CEP112: variants seen among roughly 807,000 people sequenced by gnomAD.
The protein encoded by CEP112 is centrosomal protein of 112 kDa.
In CEP112, 127 loss-of-function variants were observed where a neutral mutation model predicts 153.0. The ratio of observed to expected loss-of-function variants is 0.83; its 90% confidence interval spans 0.72 to 0.96. The LOEUF (loss-of-function observed/expected upper bound fraction) is 0.96. Among genes scored for constraint, CEP112 ranks in the 40% least tolerant of loss-of-function variants. The pLI, the probability that CEP112 is intolerant of heterozygous loss-of-function variation, is 0.00. For missense variants in CEP112, 1,089 were observed against 1,101.2 expected, an observed-to-expected ratio of 0.99 and a Z score of 0.16; for synonymous variants, 358 against 374.4, an observed-to-expected ratio of 0.96 and a Z score of 0.51.
intron 21 of CEP112, among the ~76,000 whole-genome samples, chr17:65,781,305 T>C (rs1169932669): frequency 6.6e-6 from 1 of 152,110 alleles, no homozygotes. Flanking sequence ...GAAAGATCTC[T>C]GCGAGGAGAA....
At chr17:66,111,076 T>C (rs180695206) in intron 6 of CEP112, among the ~76,000 whole-genome samples, 18 of 152,170 alleles carry the variant, frequency 1.2e-4, no homozygotes, top group African/African-American at 3.9e-4. Flanking sequence ...AAAGAAGACA[T>C]ACACGTGGCC....
chr17:65,970,691 G>T lies in CEP112; in HGVS notation c.1737-9093C>A, dbSNP rs531617493. On this transcript the variant is annotated intron_variant, in intron 17 of 26. Transcript: ENST00000535342. ...CATATTACACGCATATCACACACAT[G>T]CATATTACATGCATACACATGACAT... Among the ~76,000 whole-genome samples the T allele has an allele frequency of 4.4e-3, 637 of 145,002 alleles. 4 individuals are homozygous for T. Among genetic ancestry groups the T allele is most frequent in the African/African-American group, 0.014 (567 of 39,868 alleles).
intron 17 of CEP112, among the ~76,000 whole-genome samples, chr17:65,983,907 A>C (rs1366214763): frequency 6.6e-6 from 1 of 152,148 alleles, no homozygotes; most frequent in Admixed American, 6.5e-5. Flanking sequence ...TGGTTTTGTT[A>C]TCTCTCTACA....
chr17:65,760,146 T>C (rs1243122200), intron 21 of CEP112, among the ~76,000 whole-genome samples: 1 of 152,212 alleles, frequency 6.6e-6, no homozygotes. Context: ...CACTTATCAG[T>C]TCCAAGAGTT....
rs9907129 is a variant in CEP112 at position 65,814,257 on chromosome 17, T to C, written c.2394+37547A>G. On this transcript the variant is annotated intron_variant, in intron 21 of 26. Coordinates refer to ENST00000535342, the MANE Select transcript of CEP112 (RefSeq NM_001199165.4). ...ATATTCTCACCAAAGAAGAAGCGTATGCATTATTTCCTCAGTGAAGCCCTT... is the reference window on the plus strand; with the variant it reads ...ATATTCTCACCAAAGAAGAAGCGTACGCATTATTTCCTCAGTGAAGCCCTT... Among the ~76,000 whole-genome samples the C allele has an allele frequency of 3.2e-3, 481 of 152,300 alleles. 3 individuals are homozygous for C. Among genetic ancestry groups the C allele is most frequent in the African/African-American group, 0.011 (456 of 41,574 alleles).
intron 12 of CEP112, among the ~76,000 whole-genome samples, chr17:66,035,655 G>T (rs6504393): frequency 0.93 from 140,957 of 152,180 alleles, 65,516 homozygotes; most frequent in East Asian, 0.97. Flanking sequence ...CCATGCAAAA[G>T]TATTCACTAT....
intron 21 of CEP112, among the ~76,000 whole-genome samples, chr17:65,816,774 T>G (rs563915977): frequency 6.6e-6 from 1 of 152,014 alleles, no homozygotes; most frequent in Non-Finnish European, 1.5e-5. Flanking sequence ...TAATATCTAG[T>G]TTTGTTATCA....
At chr17:65,935,817 T>C (rs1048943724) in intron 18 of CEP112, among the ~76,000 whole-genome samples, 1 of 148,554 alleles carries the variant, frequency 6.7e-6, no homozygotes, top group African/African-American at 2.5e-5. Flanking sequence ...AAACCTCAAA[T>C]CAACAACCTA....
In CEP112 at chr17:65,740,016, C is replaced by A. The variant is rs995492625; in HGVS notation, c.2607+3052G>T. 5.9e-5 allele frequency among the ~76,000 whole-genome samples: 9 copies of A among 152,072 alleles called. 1 individual carries two copies. The East Asian group carries it at 1.3e-3, about 23-fold the overall frequency. On this transcript the variant is annotated intron_variant, in intron 23 of 26. Coordinates refer to ENST00000535342, the MANE Select transcript of CEP112 (RefSeq NM_001199165.4). ...AAAATTAAAAAATCATAAATTCTACCACTCAGAGATATCCATTAGTAAAAT... is the reference window on the plus strand; with the variant it reads ...AAAATTAAAAAATCATAAATTCTACAACTCAGAGATATCCATTAGTAAAAT...
chr17:66,127,337 G>A (rs950535446), intron 6 of CEP112, among the ~76,000 whole-genome samples: 1 of 152,180 alleles, frequency 6.6e-6, no homozygotes, highest in Non-Finnish European at 1.5e-5. Flanking sequence ...CCACTTTGAT[G>A]TTGCTCTCTG....
rs760923605 is a variant in CEP112 at position 66,029,903 on chromosome 17, T to C, written c.1339A>G (p.Ile447Val). The change falls in exon 13 of 27, where the codon ATA becomes GTA. Residue 447 changes from isoleucine (I) to valine (V), a missense_variant. Coordinates refer to ENST00000535342, the MANE Select transcript of CEP112 (RefSeq NM_001199165.4). ...ACTTCTTGTAATTCACTACACGTTA[T>C]CTGGTAACATCTTTCAAGTTCTGCT... is the stretch of plus-strand genomic sequence containing the variant. ...EKAELERCYQ[I>V]TCSELQEVKA... 1 of 1,613,948 alleles carries C rather than the reference T, an allele frequency of 6.2e-7. No homozygotes were observed. The highest frequency in any genetic ancestry group is 8.5e-7 in the Non-Finnish European group (1 of 1,179,872).
At chr17:65,963,500 C>T (rs2062290765) in intron 17 of CEP112, among the ~76,000 whole-genome samples, 1 of 152,108 alleles carries the variant, frequency 6.6e-6, no homozygotes, top group South Asian at 2.1e-4. Flanking sequence ...ACCAAACTTT[C>T]TCCCTCTCCC....
At chr17:66,030,119 T>A in intron 12 of CEP112, 96 bp from the exon 13 acceptor site, 1 of 958,380 alleles carries the variant, frequency 1.0e-6, no homozygotes, top group Non-Finnish European at 1.5e-6. Context: ...TCTATAAGAA[T>A]AAATAAAACA....
At chr17:66,045,067 C>G (rs1426710375) in intron 12 of CEP112, among the ~76,000 whole-genome samples, 1 of 132,754 alleles carries the variant, frequency 7.5e-6, no homozygotes, top group Non-Finnish European at 1.5e-5. Context: ...AAGCTAGAAA[C>G]AAAAAAAAAA....
At chr17:66,021,028 C>G (rs2064980368) in intron 16 of CEP112, among the ~76,000 whole-genome samples, 6 of 152,086 alleles carry the variant, frequency 3.9e-5, no homozygotes, top group Admixed American at 3.9e-4. Context: ...GAGAATGTCC[C>G]TCTGCAATCT....
rs569651459 is a variant in CEP112, at chr17:65,957,579, CTTTA to C, written c.1872+3880_1872+3883del. ...CCATTTATTCTAACTTTTGTGTTAACTTTATTTTAGTTATTAGTTTTATAAATAG... is the reference window on the plus strand; with the variant it reads ...CCATTTATTCTAACTTTTGTGTTAACTTTTAGTTATTAGTTTTATAAATAG... On this transcript the variant is annotated intron_variant, in intron 18 of 26. Coordinates refer to ENST00000535342, the MANE Select transcript of CEP112 (RefSeq NM_001199165.4). Among the ~76,000 whole-genome samples the C allele has an allele frequency of 2.3e-3, 351 of 151,952 alleles. 2 individuals carry two copies. The highest frequency in any genetic ancestry group is 6.0e-3 in the Admixed American group (92 of 15,258).
chr17:65,713,595 T>A (rs2049320831), intron 23 of CEP112, among the ~76,000 whole-genome samples: 1 of 152,156 alleles, frequency 6.6e-6, no homozygotes, highest in African/African-American at 2.4e-5. Context: ...CTTTCTTTTT[T>A]TCTTTTTTTG....
chr17:65,655,820 G>A (rs1195264201), intron 24 of CEP112, among the ~76,000 whole-genome samples: 1 of 152,004 alleles, frequency 6.6e-6, no homozygotes, highest in Non-Finnish European at 1.5e-5. Context: ...TTAAAATTTT[G>A]GACAGTATTT....
intron 18 of CEP112, among the ~76,000 whole-genome samples, chr17:65,933,667 T>C (rs994732365): frequency 6.6e-6 from 1 of 152,192 alleles, no homozygotes. Flanking sequence ...GTCATCACCA[T>C]GAGTCTTGCC....
Sources: gnomAD v4.1 joint callset for allele counts (sites outside exome capture counted in the v4.1 genomes callset) on GRCh38, gnomAD v4.1.1 for gene constraint, MANE v1.5 for transcripts, NCBI Gene and HGNC (gene_info 2026-07-23, HGNC 2026-07-21) for gene names.